JAG2: variants seen among roughly 807,000 people sequenced by gnomAD.
JAG2 encodes jagged canonical Notch ligand 2.
A neutral mutation model predicts 141.7 loss-of-function variants in JAG2; 46 were observed. The observed-to-expected ratio is 0.32, with a 90% CI of 0.26 to 0.42. JAG2 has a LOEUF of 0.42. Among genes scored for constraint, JAG2 ranks in the 10% least tolerant of loss-of-function variants. The pLI, the probability that JAG2 is intolerant of heterozygous loss-of-function variation, is 1.00. For missense variants in JAG2, 1,500 were observed against 1,817.5 expected (o/e 0.83, Z 3.18); for synonymous variants, 862 against 763.5 (o/e 1.13, Z -2.13).
intron 24 of JAG2, among the ~76,000 whole-genome samples, chr14:105,144,418 G>A: frequency 6.6e-6 from 1 of 151,976 alleles, no homozygotes; most frequent in East Asian, 1.9e-4. Flanking sequence ...CCTGGCCATG[G>A]CCTCCACCAG....
At chr14:105,166,685 G>A (rs2140998369) in intron 2 of JAG2, among the ~76,000 whole-genome samples, 1 of 152,318 alleles carries the variant, frequency 6.6e-6, no homozygotes, top group Middle Eastern at 3.4e-3. Context: ...CACACGGCAG[G>A]CCCAACTGGC....
intron 5 of JAG2, among the ~76,000 whole-genome samples, chr14:105,152,530 A>T (rs1888468325): frequency 6.6e-6 from 1 of 151,960 alleles, no homozygotes; most frequent in Non-Finnish European, 1.5e-5. Context: ...CTCCTCCCTG[A>T]GCTATTTTGG....
Position 105,150,741 on chromosome 14 carries a change from C to T in JAG2, c.1465G>A (p.Gly489Ser), listed in dbSNP as rs768166044. 1 of 1,583,652 alleles carries T rather than the reference C, an allele frequency of 6.3e-7. No individual in the cohort carries two copies. Among genetic ancestry groups the T allele is most frequent in the South Asian group, 1.1e-5 (1 of 87,282 alleles). The change falls in exon 12 of 26, where the codon GGC becomes AGC. Residue 489 changes from glycine to serine, a missense_variant. Physicochemically the swap from Gly to Ser is moderately conservative, Grantham distance 56 (BLOSUM62 0). Around this residue, in one of 3 missense-constraint regions of JAG2, gnomAD observed 875 missense variants for 1,202.2 expected, o/e 0.73. Transcript: ENST00000331782. ...AGCTCGCAATGCCGGCCTCCGAAGC[C>T]CCGTGGGCACACACACTGGTACCCG... is the stretch of plus-strand genomic sequence containing the variant. ...VNGYQCVCPR[G>S]FGGRHCELER...
chr14:105,150,554 C>T, intron 12 of JAG2, 50 bp downstream of exon 12: 1 of 1,519,918 alleles, frequency 6.6e-7, no homozygotes, highest in Non-Finnish European at 8.9e-7. Flanking sequence ...GAGGCCTGCC[C>T]TACAGCTCCC....
intron 13 of JAG2, 40 bp from the exon 14 acceptor site, chr14:105,149,129 G>GGGCCC: frequency 6.4e-7 from 1 of 1,551,890 alleles, no homozygotes; most frequent in Non-Finnish European, 8.7e-7. Flanking sequence ...GCCCGCCCCT[G>GGGCCC]CCCCACCACC....
At chr14:105,160,492 C>T (rs1595187225) in intron 2 of JAG2, among the ~76,000 whole-genome samples, 1 of 151,626 alleles carries the variant, frequency 6.6e-6, no homozygotes, top group Non-Finnish European at 1.5e-5. Flanking sequence ...AGCAGGCATG[C>T]CTCTGCCACC....
At position 105,167,668 on chromosome 14, in the gene JAG2, G is replaced by A. The variant is rs1297108182; in HGVS notation, c.417+89C>T. 13 of 1,250,540 alleles carry A rather than the reference G, an allele frequency of 1.0e-5. No individual in the cohort carries two copies. The highest frequency in any genetic ancestry group is 1.6e-5 in the African/African-American group (1 of 63,078). 77.5% of individuals were successfully genotyped at this position (1,250,540 alleles called of 1,614,324 possible). On this transcript the variant is annotated intron_variant, in intron 2 of 25. Coordinates refer to ENST00000331782, the MANE Select transcript of JAG2 (RefSeq NM_002226.5). The surrounding 1 kb of genome is among the most constrained non-coding windows in gnomAD (Gnocchi z 4.8). ...CGCGCGCGGCTCGCACGCAGACCCG[G>A]CCGCAGGTGTTGGGGGTCGCGAAGC...
intron 2 of JAG2, among the ~76,000 whole-genome samples, chr14:105,159,002 C>T (rs1047559100): frequency 3.9e-5 from 6 of 152,002 alleles, no homozygotes; most frequent in Admixed American, 3.9e-4. Context: ...CCCAGTGCCT[C>T]GGCCTCATCC....
chr14:105,151,896 T>C (rs1477131046), intron 7 of JAG2, 42 bp downstream of exon 7: 1 of 1,612,024 alleles, frequency 6.2e-7, no homozygotes, highest in Non-Finnish European at 8.5e-7. Context: ...AGGGAACCAG[T>C]CCCTGCCTGG....
intron 2 of JAG2, 132 bp from the exon 3 acceptor site, chr14:105,157,895 AC>A: frequency 1.2e-6 from 1 of 801,692 alleles, no homozygotes; most frequent in Non-Finnish European, 2.1e-6. Flanking sequence ...CCAGCCAGGG[AC>A]CCACCACCCT....
At chr14:105,161,543 G>A (rs1190306150) in intron 2 of JAG2, among the ~76,000 whole-genome samples, 4 of 152,150 alleles carry the variant, frequency 2.6e-5, no homozygotes, top group African/African-American at 9.7e-5. Flanking sequence ...AGGGACGTGT[G>A]CCTGCCCGCC....
chr14:105,159,327 A>C (rs1888664447), intron 2 of JAG2, among the ~76,000 whole-genome samples: 1 of 151,298 alleles, frequency 6.6e-6, no homozygotes, highest in Non-Finnish European at 1.5e-5. Context: ...GCCATCCCCA[A>C]CCCGCTCCTA....
intron 2 of JAG2, among the ~76,000 whole-genome samples, chr14:105,162,406 C>T (rs996347861): frequency 2.1e-5 from 2 of 97,526 alleles, no homozygotes; most frequent in Non-Finnish European, 4.5e-5. Context: ...GCAGGGGCAA[C>T]AGCAGTGGCA....
At chr14:105,145,211 TC>T in intron 23 of JAG2, 150 bp from the exon 24 acceptor site, 3 of 1,107,744 alleles carry the variant, frequency 2.7e-6, no homozygotes, top group Non-Finnish European at 3.9e-6. Context: ...GGGGGCAGCT[TC>T]CCACCCGGCT....
chr14:105,151,907 C>G, intron 7 of JAG2, 31 bp downstream of exon 7: 1 of 1,612,402 alleles, frequency 6.2e-7, no homozygotes, highest in Non-Finnish European at 8.5e-7. Context: ...CCCTGCCTGG[C>G]CAGAATTTGG....
rs776376364 is a variant in JAG2, at chr14:105,149,264, G to A, written c.1659C>T (p.Asn553=). ...AGGCGCAGTAATAGTCACCCTCCAG[G>A]TTATAGCAGCGAGCGCCGTTCCGGC... ...SPCRNGARCY[N]LEGDYYCACP... Residue 553 remains asparagine (N), a synonymous_variant, in exon 13 of 26, where the codon AAC becomes AAT. Transcript: ENST00000331782. The A allele has an allele frequency of 1.9e-6, 3 of 1,612,718 alleles. No individual in the cohort carries two copies. The highest frequency in any genetic ancestry group is 1.7e-5 in the Admixed American group (1 of 60,032).
intron 8 of JAG2, 100 bp from the exon 9 acceptor site, chr14:105,151,496 T>C: frequency 7.3e-7 from 1 of 1,371,972 alleles, no homozygotes; most frequent in Non-Finnish European, 1.0e-6. Flanking sequence ...TCCTGCCATT[T>C]GTCCTCGCCA....
At chr14:105,150,184 T>A (rs1458369658) in intron 12 of JAG2, among the ~76,000 whole-genome samples, 1 of 151,092 alleles carries the variant, frequency 6.6e-6, no homozygotes, top group Non-Finnish European at 1.5e-5. Context: ...GGCGAGAGCA[T>A]CAGCCCTGAG....
chr14:105,145,174 A>C, intron 23 of JAG2, 113 bp from the exon 24 acceptor site: 1 of 1,438,610 alleles, frequency 7.0e-7, no homozygotes, highest in Non-Finnish European at 9.6e-7. Context: ...CGCCCAGGAG[A>C]GCACAGCAAG....
Sources: gnomAD v4.1 joint callset for allele counts (sites outside exome capture counted in the v4.1 genomes callset) on GRCh38, gnomAD v4.1.1 for gene constraint, gnomAD v4.1.1 regional missense constraint, Gnocchi (gnomAD v3.1) non-coding constraint, MANE v1.5 for transcripts, NCBI Gene and HGNC (gene_info 2026-07-23, HGNC 2026-07-21) for gene names.